Variants in DPP10 observed in about 807,000 individuals in gnomAD.
DPP10 encodes the protein inactive dipeptidyl peptidase 10.
Under a neutral mutation model 120.9 loss-of-function variants are expected in DPP10, and 33 were observed. That is an observed-to-expected ratio of 0.27 (90% CI 0.21 to 0.37). The LOEUF (loss-of-function observed/expected upper bound fraction) is 0.37, where lower values mean the gene tolerates loss of function less well. DPP10 is among the 10% of genes least tolerant of loss of function. The pLI is 1.00. For synonymous variants in DPP10, 337 were observed against 326.1 expected (o/e 1.03, Z -0.36); for missense variants, 816 against 942.8 (o/e 0.87, Z 1.76).
chr2:115,641,676 A>G (rs191092958), intron 5 of DPP10, among the ~76,000 whole-genome samples: 67 of 152,294 alleles, frequency 4.4e-4, no homozygotes, highest in Non-Finnish European at 7.2e-4. Context: ...TTTGTCTTAT[A>G]TCCTCAGTTC....
chr2:115,626,314 C>A (rs1384888792), intron 5 of DPP10, among the ~76,000 whole-genome samples: 4 of 151,924 alleles, frequency 2.6e-5, no homozygotes, highest in African/African-American at 9.7e-5. Context: ...TACTACCATA[C>A]TGAGAAAATA....
intron 1 of DPP10, among the ~76,000 whole-genome samples, chr2:115,180,267 T>C (rs2053986785): frequency 6.6e-6 from 1 of 152,110 alleles, no homozygotes; most frequent in African/African-American, 2.4e-5. Context: ...TTTTCAAGAA[T>C]CTTATTAAGT....
intron 1 of DPP10, among the ~76,000 whole-genome samples, chr2:114,546,416 G>A (rs575200532): frequency 9.9e-5 from 15 of 152,190 alleles, no homozygotes; most frequent in East Asian, 5.8e-4. Flanking sequence ...AACCATTCAC[G>A]AAAAAATCAT....
intron 5 of DPP10, among the ~76,000 whole-genome samples, chr2:115,536,552 G>A (rs1274685105): frequency 1.3e-5 from 2 of 151,940 alleles, no homozygotes; most frequent in African/African-American, 4.8e-5. Context: ...ACATTAATTA[G>A]TGTTCTTGAT....
chr2:115,248,725 G>A (rs867599952), intron 1 of DPP10, among the ~76,000 whole-genome samples: 1 of 152,040 alleles, frequency 6.6e-6, no homozygotes, highest in Non-Finnish European at 1.5e-5. Flanking sequence ...AGCAATAGCC[G>A]ACATAACTGT....
intron 1 of DPP10, among the ~76,000 whole-genome samples, chr2:114,448,605 G>A (rs769112607): frequency 1.3e-5 from 2 of 152,132 alleles, no homozygotes; most frequent in Non-Finnish European, 2.9e-5. Context: ...GCAATCTTTG[G>A]TGGGTGATTC....
At chr2:114,773,136 T>C (rs1399683766) in intron 1 of DPP10, among the ~76,000 whole-genome samples, 1 of 152,208 alleles carries the variant, frequency 6.6e-6, no homozygotes, top group Non-Finnish European at 1.5e-5. Flanking sequence ...TGCTGTGTTA[T>C]TTCTTTTATG....
chr2:114,931,853 A>C (rs1055030411), intron 1 of DPP10, among the ~76,000 whole-genome samples: 2 of 152,162 alleles, frequency 1.3e-5, no homozygotes, highest in Non-Finnish European at 2.9e-5. Context: ...TTTAAAGTTC[A>C]AATAAAGAAC....
chr2:115,330,842 T>G (rs1398941556), intron 2 of DPP10, among the ~76,000 whole-genome samples: 3 of 152,180 alleles, frequency 2.0e-5, no homozygotes, highest in African/African-American at 7.2e-5. Context: ...TGTAGTATAG[T>G]TTGAAGTCTG....
At chr2:115,383,695 A>G (rs1208445248) in intron 3 of DPP10, among the ~76,000 whole-genome samples, 6 of 152,110 alleles carry the variant, frequency 3.9e-5, no homozygotes, top group East Asian at 1.9e-4. Context: ...ATATTTAATA[A>G]TTTGATTTAT....
chr2:115,071,224 C>T (rs984172114), intron 1 of DPP10, among the ~76,000 whole-genome samples: 1 of 151,994 alleles, frequency 6.6e-6, no homozygotes, highest in African/African-American at 2.4e-5. Flanking sequence ...TTCTTATTCT[C>T]CCTGCCTATT....
intron 7 of DPP10, among the ~76,000 whole-genome samples, chr2:115,718,705 A>T (rs1464547064): frequency 6.6e-6 from 1 of 152,090 alleles, no homozygotes; most frequent in African/African-American, 2.4e-5. Flanking sequence ...ATAAAATAAG[A>T]TCTTGTATTT....
At position 115,070,209 on chromosome 2, in the gene DPP10, G is replaced by A. The variant is rs1707257461; in HGVS notation, c.61-239030G>A. On this transcript the variant is annotated intron_variant, in intron 1 of 25. Coordinates refer to ENST00000410059, the MANE Select transcript of DPP10 (RefSeq NM_020868.6). Reference sequence around the variant, plus strand: ...GACATTACACATCTCTTTGTGTTTAGGACTATGCTTGTCAGCTATGCAAAT... The same window carrying A: ...GACATTACACATCTCTTTGTGTTTAAGACTATGCTTGTCAGCTATGCAAAT... Among the ~76,000 whole-genome samples, 3 of 152,010 alleles carry A rather than the reference G, an allele frequency of 2.0e-5. No individual in the cohort carries two copies. The South Asian group carries it at 6.2e-4, about 32-fold the overall frequency.
At chr2:115,525,806 G>A in intron 4 of DPP10, 92 bp from the exon 5 acceptor site, 1 of 852,352 alleles carries the variant, frequency 1.2e-6, no homozygotes, top group South Asian at 1.8e-5. Context: ...CCATTTTATA[G>A]TGCTATGAAA....
chr2:115,071,698 A>G (rs1042272438), intron 1 of DPP10, among the ~76,000 whole-genome samples: 2 of 151,982 alleles, frequency 1.3e-5, no homozygotes, highest in African/African-American at 2.4e-5. Context: ...AAAAGTAAAC[A>G]TGAGCTCTAC....
At chr2:114,492,759 C>A (rs1394830459) in intron 1 of DPP10, among the ~76,000 whole-genome samples, 1 of 152,252 alleles carries the variant, frequency 6.6e-6, no homozygotes, top group East Asian at 1.9e-4. Context: ...ACATTGAGTG[C>A]CCTTGGGTGT....
intron 5 of DPP10, among the ~76,000 whole-genome samples, chr2:115,601,415 A>G (rs2083313222): frequency 6.6e-6 from 1 of 152,178 alleles, no homozygotes; most frequent in Non-Finnish European, 1.5e-5. Context: ...ATAAAAACAT[A>G]ATTAAAAGCT....
chr2:115,159,215 C>T (rs948172480), intron 1 of DPP10, among the ~76,000 whole-genome samples: 2 of 151,966 alleles, frequency 1.3e-5, no homozygotes, highest in Non-Finnish European at 1.5e-5. Flanking sequence ...TCCCAGCACT[C>T]TGGGAGGCCG....
At chr2:114,920,002 C>T (rs977934239) in intron 1 of DPP10, among the ~76,000 whole-genome samples, 1 of 152,084 alleles carries the variant, frequency 6.6e-6, no homozygotes, top group Admixed American at 6.6e-5. Context: ...TGCAGTGACT[C>T]CTCTTATTTA....
Sources: gnomAD v4.1 joint callset for allele counts (sites outside exome capture counted in the v4.1 genomes callset) on GRCh38, gnomAD v4.1.1 for gene constraint, MANE v1.5 for transcripts, NCBI Gene and HGNC (gene_info 2026-07-23, HGNC 2026-07-21) for gene names.